PES1: variants seen among roughly 807,000 people sequenced by gnomAD.
PES1 encodes pescadillo ribosomal biogenesis factor 1.
PES1 carries 31 observed loss-of-function variants against 77.1 expected under a neutral mutation model. That is an observed-to-expected ratio of 0.40 (90% CI 0.30 to 0.54). The LOEUF (loss-of-function observed/expected upper bound fraction) is 0.54. Among genes scored for constraint, PES1 ranks in the 20% least tolerant of loss-of-function variants. The pLI is 0.45. For synonymous variants in PES1, 282 were observed against 303.0 expected, an observed-to-expected ratio of 0.93 and a Z score of 0.72; for missense variants, 658 against 771.7, an observed-to-expected ratio of 0.85 and a Z score of 1.75.
chr22:30,589,225 G>C lies in PES1; in HGVS notation c.70C>G (p.Arg24Gly), dbSNP rs1339659755. 2 of 1,614,034 alleles carry C rather than the reference G, an allele frequency of 1.2e-6. No individual in the cohort carries two copies. Among genetic ancestry groups the C allele is most frequent in the Non-Finnish European group, 1.7e-6 (2 of 1,179,972 alleles). The change falls in exon 2 of 15, where the codon CGG becomes GGG. Residue 24 changes from arginine (R) to glycine (G), a missense_variant. Transcript: ENST00000354694. The part of the protein sequence containing the change: ...ATNYITRNKA[R>G]KKLQLSLADF... ...GCCAAGCTCAGCTGGAGCTTCTTCC[G>C]GGCTTTGTTCCGGGTGATGTAGTTG... is the stretch of plus-strand genomic sequence containing the variant.
At chr22:30,589,389 A>C (rs1423117480) in intron 1 of PES1, 119 bp from the exon 2 acceptor site, 3 of 823,566 alleles carry the variant, frequency 3.6e-6, no homozygotes, top group Non-Finnish European at 5.9e-6. Flanking sequence ...AGATGAGTCT[A>C]GGAGAGGAAA....
upstream of PES1, chr22:30,592,086 T>G: frequency 2.3e-6 from 3 of 1,321,528 alleles, no homozygotes; most frequent in Non-Finnish European, 2.9e-6. Flanking sequence ...TACAAACACT[T>G]TAAGTGTTAA....
chr22:30,603,771 C>T (rs1444914457), intron 2 of PES1: 1 of 152,186 alleles, frequency 6.6e-6, no homozygotes, highest in South Asian at 2.1e-4. Context: ...TATATTCATT[C>T]TTCTCATGCC....
At chr22:30,593,414 G>A (rs1167548222), upstream of PES1, among the ~76,000 whole-genome samples, 1 of 152,062 alleles carries the variant, frequency 6.6e-6, no homozygotes, top group Non-Finnish European at 1.5e-5. Context: ...TTGAACCCAG[G>A]AGGTAGATGT....
At chr22:30,598,176 C>T (rs1270946960) in intron 2 of PES1, 1 of 152,174 alleles carries the variant, frequency 6.6e-6, no homozygotes, top group Admixed American at 6.5e-5. Flanking sequence ...TGGGTGTACA[C>T]TGCGTTTATA....
At chr22:30,585,015 C>T (rs770467495) in intron 4 of PES1, among the ~76,000 whole-genome samples, 3 of 152,126 alleles carry the variant, frequency 2.0e-5, no homozygotes, top group East Asian at 1.9e-4. Context: ...TGGTGCACGA[C>T]GGTAGACGGA....
chr22:30,579,912 A>G lies in PES1; in HGVS notation c.1193T>C (p.Val398Ala). The G allele has an allele frequency of 6.2e-7, 1 of 1,613,940 alleles. No individual in the cohort carries two copies. Among genetic ancestry groups the G allele is most frequent in the South Asian group, 1.1e-5 (1 of 91,072 alleles). Residue 398 changes from valine to alanine, a missense_variant, in exon 12 of 15, where the codon GTG becomes GCG. Val to Ala is a moderately conservative substitution (Grantham distance 64). Transcript: ENST00000354694. ...IGRCYVQPQW[V>A]FDSVNARLLL... is the part of the protein sequence containing the mutation. ...GAGCCTGGCGTTCACTGAGTCAAAC[A>G]CCCACTGGGGCTGCACGTAGCACCT...
chr22:30,598,912 T>TTTTA (rs761643665), intron 2 of PES1, among the ~76,000 whole-genome samples: 24 of 116,428 alleles, frequency 2.1e-4, no homozygotes, highest in African/African-American at 6.5e-4. Context: ...TTTTTTTTTT[T>TTTTA]TTGAGATGGA....
intron 2 of PES1, among the ~76,000 whole-genome samples, chr22:30,604,966 C>T (rs1164542813): frequency 2.6e-5 from 4 of 152,104 alleles, no homozygotes; most frequent in Admixed American, 2.6e-4. Context: ...ATAGCACTAC[C>T]CCTGACCAGT....
chr22:30,606,588 C>T (rs933182960), intron 1 of PES1: 1 of 152,824 alleles, frequency 6.5e-6, no homozygotes, highest in South Asian at 2.1e-4. Flanking sequence ...TTTGTCCTCT[C>T]CAGGAGGCTC....
chr22:30,579,184 C>T lies in PES1; in HGVS notation c.1474G>A (p.Glu492Lys). 2 of 1,608,428 alleles carry T rather than the reference C, an allele frequency of 1.2e-6. No individual in the cohort carries two copies. The highest frequency in any genetic ancestry group is 1.7e-6 in the Non-Finnish European group (2 of 1,179,510). ...EDAEAGSEKE[E>K]EARLAALEEQ... ...TCCAGGGCTGCCAGCCGGGCCTCTTCCTCCTTTTCTGAACCAGCCTCTGCA... is the reference window on the plus strand; with the variant it reads ...TCCAGGGCTGCCAGCCGGGCCTCTTTCTCCTTTTCTGAACCAGCCTCTGCA... Residue 492 changes from glutamate to lysine, a missense_variant, in exon 13 of 15, where the codon GAA becomes AAA. Physicochemically the swap from Glu to Lys is moderately conservative, Grantham distance 56. Transcript: ENST00000354694.
chr22:30,577,670 T>TG (rs1569019416), intron 14 of PES1, among the ~76,000 whole-genome samples: 37 of 150,000 alleles, frequency 2.5e-4, no homozygotes, highest in African/African-American at 7.7e-4. Context: ...CTTTTTTTTT[T>TG]TGGGGGGTAG....
At chr22:30,599,290 G>T (rs1396880851) in intron 2 of PES1, among the ~76,000 whole-genome samples, 1 of 127,726 alleles carries the variant, frequency 7.8e-6, no homozygotes. Context: ...TTTTTGCCTT[G>T]GTTTATTGGT....
intron 1 of PES1, among the ~76,000 whole-genome samples, chr22:30,590,548 G>GT (rs1443421991): frequency 6.6e-6 from 1 of 152,170 alleles, no homozygotes; most frequent in Non-Finnish European, 1.5e-5. Context: ...GCCTTAAGAA[G>GT]TTGAGTTTTC....
chr22:30,595,684 A>G (rs2087243771), upstream of PES1, among the ~76,000 whole-genome samples: 1 of 151,874 alleles, frequency 6.6e-6, no homozygotes, highest in African/African-American at 2.4e-5. Flanking sequence ...GCCTGGTCCC[A>G]GTTCCCTGCA....
rs368872913 is a variant in PES1 at position 30,579,829 on chromosome 22, A to G, written c.1276T>C (p.Phe426Leu). ...TAATCTCCTTCCTTCTCGGTCACAA[A>G]GGGTGAAAGGTGTGGGGGCAGCTGC... Reference protein sequence around the residue: ...GVQLPPHLSPFVTEKEGDYVP... With the variant: ...GVQLPPHLSPLVTEKEGDYVP... The change falls in exon 12 of 15, where the codon TTT (phenylalanine) becomes CTT (leucine). Residue 426 changes from phenylalanine (F) to leucine (L), a missense_variant. Coordinates refer to ENST00000354694, the MANE Select transcript of PES1 (RefSeq NM_014303.4). 39 of 1,613,920 alleles carry G rather than the reference A, an allele frequency of 2.4e-5. No individual in the cohort carries two copies. Among genetic ancestry groups the G allele is most frequent in the Non-Finnish European group, 3.1e-5 (36 of 1,180,028 alleles).
At chr22:30,596,938 C>A (rs57016637) in intron 2 of PES1, among the ~76,000 whole-genome samples, 1 of 147,358 alleles carries the variant, frequency 6.8e-6, no homozygotes, top group East Asian at 2.1e-4. Context: ...GTGAGCTTGG[C>A]GGGCCCGCAC....
Position 30,580,555 on chromosome 22 carries a change from C to G in PES1, c.1043+16G>C, listed in dbSNP as rs1043162304. 5 of 1,613,556 alleles carry G rather than the reference C, an allele frequency of 3.1e-6. No homozygotes were observed. The highest frequency in any genetic ancestry group is 3.3e-5 in the Admixed American group (2 of 60,014). On this transcript the variant is annotated intron_variant, in intron 10 of 14. Transcript: ENST00000354694. ...GGCCGAACCAATGCTGTCAGCGGGC[C>G]CTTGAGCCTCCCTACCTGATGATGA... is the stretch of plus-strand genomic sequence containing the variant.
chr22:30,581,855 G>A (rs1198689797), intron 6 of PES1, among the ~76,000 whole-genome samples: 1 of 152,184 alleles, frequency 6.6e-6, no homozygotes, highest in African/African-American at 2.4e-5. Flanking sequence ...AGCCACAAGT[G>A]AGGCTCTGGA....
Sources: gnomAD v4.1 joint callset for allele counts (sites outside exome capture counted in the v4.1 genomes callset) on GRCh38, gnomAD v4.1.1 for gene constraint, MANE v1.5 for transcripts, NCBI Gene and HGNC (gene_info 2026-07-23, HGNC 2026-07-21) for gene names.